The following PPP2R5A variants were observed in gnomAD, a reference collection of about 807,000 sequenced individuals.
PPP2R5A encodes protein phosphatase 2 regulatory subunit B'alpha.
Under a neutral mutation model 64.2 loss-of-function variants are expected in PPP2R5A, and 25 were observed. The ratio of observed to expected loss-of-function variants is 0.39; its 90% confidence interval spans 0.28 to 0.54. PPP2R5A has a LOEUF of 0.54. Ranked by LOEUF, PPP2R5A falls within the 20% of genes least tolerant of loss-of-function variation. The pLI is 0.67. For synonymous variants in PPP2R5A, 198 were observed against 201.2 expected (o/e 0.98, Z 0.13); for missense variants, 425 against 576.3 (o/e 0.74, Z 2.69).
rs775331640 is a variant in PPP2R5A, at chr1:212,286,080, G to A, written c.-31G>A. 6 of 1,517,336 alleles carry A rather than the reference G, an allele frequency of 4.0e-6. No homozygotes were observed. In the African/African-American group the frequency reaches 7.2e-5, roughly 18 times the overall value. The allele number at this position is 1,517,336 out of a possible 1,614,324, so 94.0% of individuals were successfully genotyped here. A position where few individuals can be genotyped will look rare whatever the true frequency, so the allele number is the denominator to read the frequency against. On this transcript the variant is annotated 5_prime_UTR_variant, in exon 1 of 13. Transcript: ENST00000261461. ...CGCTGCCCGTGCCTTGCAAGCAGCAGCCGGAGCTGCCAAGCGTCAGGGCCG... is the reference window on the plus strand; with the variant it reads ...CGCTGCCCGTGCCTTGCAAGCAGCAACCGGAGCTGCCAAGCGTCAGGGCCG...
intron 1 of PPP2R5A, among the ~76,000 whole-genome samples, chr1:212,318,285 A>G (rs1245996235): frequency 7.0e-6 from 1 of 142,276 alleles, no homozygotes; most frequent in African/African-American, 2.5e-5. Context: ...AAAGCAAGGC[A>G]TATCTGTTTT....
intron 1 of PPP2R5A, chr1:212,309,238 T>C (rs1658979862): frequency 3.4e-6 from 5 of 1,462,316 alleles, no homozygotes; most frequent in African/African-American, 1.4e-5. Context: ...CACAAGTGTA[T>C]TGTTGTCTTC....
At chr1:212,323,003 G>A (rs1659338459) in intron 1 of PPP2R5A, among the ~76,000 whole-genome samples, 1 of 152,164 alleles carries the variant, frequency 6.6e-6, no homozygotes, top group East Asian at 1.9e-4. Flanking sequence ...AGCCAGGATG[G>A]TCTCGATCTC....
chr1:212,325,824 G>A (rs890773009), intron 1 of PPP2R5A, among the ~76,000 whole-genome samples: 13 of 152,072 alleles, frequency 8.5e-5, no homozygotes, highest in Admixed American at 7.2e-4. Context: ...CATGTATCTC[G>A]TTTAGTGTGT....
intron 1 of PPP2R5A, among the ~76,000 whole-genome samples, chr1:212,323,014 C>T (rs12561785): frequency 0.15 from 23,500 of 152,162 alleles, 2,513 homozygotes; most frequent in East Asian, 0.37. Flanking sequence ...TCTCGATCTC[C>T]TGACCTCGTG....
At chr1:212,310,396 T>A (rs1221812743) in intron 1 of PPP2R5A, among the ~76,000 whole-genome samples, 3 of 152,100 alleles carry the variant, frequency 2.0e-5, no homozygotes, top group African/African-American at 7.2e-5. Context: ...ACCTCCACTG[T>A]TTTTAAGAGT....
intron 2 of PPP2R5A, among the ~76,000 whole-genome samples, chr1:212,329,797 G>A (rs760909059): frequency 1.4e-4 from 21 of 152,038 alleles, no homozygotes; most frequent in Non-Finnish European, 2.4e-4. Flanking sequence ...AGGTGCCCAC[G>A]ACCACGCCCA....
chr1:212,330,091 A>C (rs539134390), intron 2 of PPP2R5A, among the ~76,000 whole-genome samples: 1 of 152,308 alleles, frequency 6.6e-6, no homozygotes, highest in East Asian at 1.9e-4. Flanking sequence ...TGGAAAAAAA[A>C]CTGCAGCCAA....
chr1:212,322,969 G>C (rs569769511), intron 1 of PPP2R5A, among the ~76,000 whole-genome samples: 1 of 152,170 alleles, frequency 6.6e-6, no homozygotes, highest in African/African-American at 2.4e-5. Flanking sequence ...TGTGTTTTTA[G>C]TAGAGACGGT....
intron 8 of PPP2R5A, among the ~76,000 whole-genome samples, chr1:212,351,034 C>T (rs1659867304): frequency 6.8e-6 from 1 of 147,970 alleles, no homozygotes; most frequent in Non-Finnish European, 1.5e-5. Flanking sequence ...ATCTCAGCTA[C>T]TAGGGAGGCC....
chr1:212,317,541 C>T (rs1464177710), intron 1 of PPP2R5A, among the ~76,000 whole-genome samples: 4 of 152,050 alleles, frequency 2.6e-5, no homozygotes, highest in Non-Finnish European at 5.9e-5. Context: ...TCATAACTTA[C>T]ATACTTCCAT....
At chr1:212,328,350 C>G (rs559161246) in intron 1 of PPP2R5A, among the ~76,000 whole-genome samples, 2 of 152,126 alleles carry the variant, frequency 1.3e-5, no homozygotes, top group South Asian at 2.1e-4. Context: ...AAGGGACTTA[C>G]GCTGAAACTT....
rs746064721 is a variant in PPP2R5A, at chr1:212,285,624, G to T, written c.-487G>T. 1.4e-4 allele frequency: 22 copies of T among 152,760 alleles called. No individual in the cohort carries two copies. Among genetic ancestry groups the T allele is most frequent in the Non-Finnish European group, 3.2e-4 (22 of 68,356 alleles). The allele number at this position is 152,760 out of a possible 1,614,324, so 9.5% of individuals were successfully genotyped here. ...GAGCGGGCACCGCGGCAGTGGCTCC[G>T]AGGGGACCCGCGATGGCAGCGCCCT... On this transcript the variant is annotated 5_prime_UTR_variant, in exon 1 of 13. Coordinates refer to ENST00000261461, the MANE Select transcript of PPP2R5A (RefSeq NM_006243.4).
At chr1:212,331,591 T>C (rs926929084) in intron 2 of PPP2R5A, 1 of 152,166 alleles carries the variant, frequency 6.6e-6, no homozygotes, top group Non-Finnish European at 1.5e-5. Flanking sequence ...TTGATGGACT[T>C]CTTCAAGTTT....
At chr1:212,308,984 C>G in intron 1 of PPP2R5A, 1 of 648,024 alleles carries the variant, frequency 1.5e-6, no homozygotes, top group Non-Finnish European at 2.7e-6. Flanking sequence ...ACATTGTCAT[C>G]ATACCTTTCT....
At chr1:212,289,816 TATTTAAAGTG>T (rs1658569039) in intron 1 of PPP2R5A, among the ~76,000 whole-genome samples, 1 of 151,258 alleles carries the variant, frequency 6.6e-6, no homozygotes, top group Admixed American at 6.6e-5. Flanking sequence ...TTTCCTAGTG[TATTTAAAGTG>T]ATTTTATTTA....
intron 1 of PPP2R5A, chr1:212,302,080 T>G: frequency 6.6e-7 from 1 of 1,526,328 alleles, no homozygotes; most frequent in Admixed American, 2.0e-5. Flanking sequence ...AGAGGAAGGC[T>G]TTATGATAAT....
intron 1 of PPP2R5A, among the ~76,000 whole-genome samples, chr1:212,304,018 A>G (rs2102415982): frequency 6.6e-6 from 1 of 152,260 alleles, no homozygotes; most frequent in South Asian, 2.1e-4. Flanking sequence ...TGGGTTATTT[A>G]TAATTGCAAA....
In PPP2R5A at chr1:212,360,884, T is replaced by C; in HGVS notation, c.*114T>C. The C allele has an allele frequency of 9.6e-7, 1 of 1,045,186 alleles. No homozygotes were observed. Among genetic ancestry groups the C allele is most frequent in the Admixed American group, 3.7e-5 (1 of 26,958 alleles). 64.7% of individuals were successfully genotyped at this position (1,045,186 alleles called of 1,614,324 possible). A position where few individuals can be genotyped will look rare whatever the true frequency, so the allele number is the denominator to read the frequency against. On this transcript the variant is annotated 3_prime_UTR_variant, in exon 13 of 13. Coordinates refer to ENST00000261461, the MANE Select transcript of PPP2R5A (RefSeq NM_006243.4). The stretch of plus-strand genomic sequence containing the variant: ...TAATATAATTAAAAGGCCAATTTTT[T>C]CTGGCAACTGTAAATGGAAAAATAT...
Sources: allele counts gnomAD v4.1 joint callset (sites outside exome capture counted in the v4.1 genomes callset), GRCh38; gene constraint gnomAD v4.1.1; transcripts MANE v1.5; gene names NCBI Gene and HGNC (gene_info 2026-07-23, HGNC 2026-07-21).